Variants in TNR observed in about 807,000 individuals in gnomAD.
The protein encoded by TNR is tenascin-R.
TNR carries 45 observed loss-of-function variants against 150.4 expected under a neutral mutation model. The ratio of observed to expected loss-of-function variants is 0.30; its 90% CI spans 0.24 to 0.38. The LOEUF (loss-of-function observed/expected upper bound fraction) is 0.38. Ranked by LOEUF, TNR falls within the 10% of genes least tolerant of loss-of-function variation. The pLI, the probability that TNR is intolerant of heterozygous loss-of-function variation, is 1.00. For missense variants in TNR, 1,544 were observed against 1,759.1 expected, an observed-to-expected ratio of 0.88 and a Z score of 2.19; for synonymous variants, 687 against 678.4, an observed-to-expected ratio of 1.01 and a Z score of -0.20.
chr1:175,648,623 C>A (rs1461331181), intron 1 of TNR, among the ~76,000 whole-genome samples: 2 of 152,158 alleles, frequency 1.3e-5, no homozygotes, highest in Non-Finnish European at 2.9e-5. Context: ...CTCTCACTTG[C>A]CTGTTCGGCT....
At chr1:175,564,740 GC>G (rs1435454525) in intron 1 of TNR, among the ~76,000 whole-genome samples, 1 of 152,128 alleles carries the variant, frequency 6.6e-6, no homozygotes, top group Non-Finnish European at 1.5e-5. Flanking sequence ...TGATTTCTGA[GC>G]CCTTCTGCAT....
chr1:175,494,213 G>T (rs1361670666), intron 2 of TNR, among the ~76,000 whole-genome samples: 1 of 152,126 alleles, frequency 6.6e-6, no homozygotes, highest in Non-Finnish European at 1.5e-5. Flanking sequence ...TGTTTGGGCT[G>T]CAGTTCTATG....
intron 1 of TNR, among the ~76,000 whole-genome samples, chr1:175,589,535 G>A (rs1328242072): frequency 6.6e-6 from 1 of 152,014 alleles, no homozygotes; most frequent in East Asian, 1.9e-4. Context: ...AAAAATTAAT[G>A]CAAAAAGTAT....
In TNR at chr1:175,371,962, A is replaced by G. The variant is rs112790114; in HGVS notation, c.1964-4665T>C. 4.6e-3 allele frequency among the ~76,000 whole-genome samples: 692 copies of G among 151,942 alleles called. 11 individuals are homozygous for G. The highest frequency in any genetic ancestry group is 0.016 in the African/African-American group (657 of 41,506). On this transcript the variant is annotated intron_variant, in intron 9 of 22. Coordinates refer to ENST00000367674, the MANE Select transcript of TNR (RefSeq NM_003285.3). ...ATCTCATATTGAATTGCCATCCCCA[A>G]TGTTGGTGGTGGGGCCCAGTGGGAG...
chr1:175,512,491 C>G (rs979117084), intron 2 of TNR, among the ~76,000 whole-genome samples: 2 of 152,172 alleles, frequency 1.3e-5, no homozygotes, highest in African/African-American at 4.8e-5. Context: ...CTAGAATTAT[C>G]CTCCCTCCAA....
chr1:175,508,697 A>T (rs910860805), intron 2 of TNR, among the ~76,000 whole-genome samples: 5 of 152,128 alleles, frequency 3.3e-5, no homozygotes, highest in African/African-American at 1.2e-4. Flanking sequence ...CCTTGAGATG[A>T]CTGCATCCCC....
At chr1:175,421,262 AT>A (rs1173739306) in intron 2 of TNR, among the ~76,000 whole-genome samples, 1 of 152,206 alleles carries the variant, frequency 6.6e-6, no homozygotes. Context: ...ACCAGGCCCC[AT>A]GAGGCTCTCA....
At chr1:175,626,589 G>A (rs1212315283) in intron 1 of TNR, among the ~76,000 whole-genome samples, 2 of 152,164 alleles carry the variant, frequency 1.3e-5, no homozygotes, top group Admixed American at 1.3e-4. Flanking sequence ...TAGTAATTGA[G>A]AAGAAAGCAA....
Position 175,682,537 on chromosome 1 carries a change from C to T in TNR, c.-165+60689G>A, listed in dbSNP as rs528400608. On this transcript the variant is annotated intron_variant, in intron 1 of 22. Coordinates refer to ENST00000367674, the MANE Select transcript of TNR (RefSeq NM_003285.3). ...ATATTCAGTCCACTGGAAGTCCTGA[C>T]TCCCACCATCTTCTGCCCTTGTGGG... 2.0e-5 allele frequency among the ~76,000 whole-genome samples: 3 copies of T among 152,312 alleles called. No homozygotes were observed. In the East Asian group the frequency reaches 5.8e-4, roughly 29 times the overall value.
Position 175,365,184 on chromosome 1 carries a change from T to A in TNR, c.2413A>T (p.Ile805Phe), listed in dbSNP as rs1210825873. 1 of 1,614,078 alleles carries A rather than the reference T, an allele frequency of 6.2e-7. No individual in the cohort carries two copies. Among genetic ancestry groups the A allele is most frequent in the Admixed American group, 1.7e-5 (1 of 60,026 alleles). Residue 805 changes from isoleucine (I) to phenylalanine (F), a missense_variant, in exon 12 of 23, where the codon ATT (isoleucine) becomes TTT (phenylalanine). By Grantham distance (21) the Ile-to-Phe change is conservative (BLOSUM62 0). Around this residue, in one of 2 missense-constraint regions of TNR, gnomAD observed 1,254 missense variants for 1,329.4 expected, o/e 0.94. Transcript: ENST00000367674. ...SDPSPPADRLILNYSPRDEEE... is the reference protein window; with the variant it reads ...SDPSPPADRLFLNYSPRDEEE... ...TCATCCCTGGGGCTGTAGTTAAGAA[T>A]GAGTCTGTCTGCTGGGGGAGATGGA...
At chr1:175,367,400 G>C in intron 9 of TNR, 103 bp from the exon 10 acceptor site, 1 of 881,550 alleles carries the variant, frequency 1.1e-6, no homozygotes, top group Non-Finnish European at 1.8e-6. Flanking sequence ...CATATCTTGT[G>C]TTTAGTCCTC....
intron 1 of TNR, among the ~76,000 whole-genome samples, chr1:175,568,661 T>C (rs1211302574): frequency 6.6e-6 from 1 of 152,208 alleles, no homozygotes; most frequent in Non-Finnish European, 1.5e-5. Flanking sequence ...GATCAATTGC[T>C]GGAGCCCTGC....
intron 12 of TNR, among the ~76,000 whole-genome samples, chr1:175,364,517 G>A (rs992819870): frequency 4.6e-5 from 7 of 152,162 alleles, no homozygotes; most frequent in African/African-American, 1.7e-4. Context: ...TCATCTCTGA[G>A]TGCCTGTGTT....
At chr1:175,561,192 G>A (rs981782551) in intron 1 of TNR, among the ~76,000 whole-genome samples, 1 of 152,126 alleles carries the variant, frequency 6.6e-6, no homozygotes, top group African/African-American at 2.4e-5. Context: ...TTGGTTATGT[G>A]TTTCTCTTTC....
At chr1:175,510,515 C>T (rs1237434174) in intron 2 of TNR, among the ~76,000 whole-genome samples, 1 of 152,178 alleles carries the variant, frequency 6.6e-6, no homozygotes, top group Admixed American at 6.5e-5. Flanking sequence ...TGTTTCCTAT[C>T]CCTCTTCCAG....
chr1:175,552,059 GT>G (rs1660963727), intron 1 of TNR, among the ~76,000 whole-genome samples: 1 of 152,166 alleles, frequency 6.6e-6, no homozygotes, highest in Non-Finnish European at 1.5e-5. Flanking sequence ...GCTAAAAGTT[GT>G]TGCCCCTGAG....
intron 2 of TNR, among the ~76,000 whole-genome samples, chr1:175,505,320 C>T (rs1425136047): frequency 2.0e-5 from 3 of 152,242 alleles, no homozygotes; most frequent in African/African-American, 7.2e-5. Context: ...CCCGGCGAGG[C>T]AGGAGCGGGA....
At chr1:175,471,724 C>T (rs959733024) in intron 2 of TNR, among the ~76,000 whole-genome samples, 11 of 152,134 alleles carry the variant, frequency 7.2e-5, no homozygotes, top group African/African-American at 2.7e-4. Context: ...GCTTTATCAA[C>T]ACTGAATACT....
chr1:175,559,218 TTAGA>T (rs1265241457), intron 1 of TNR, among the ~76,000 whole-genome samples: 5 of 152,222 alleles, frequency 3.3e-5, no homozygotes, highest in Non-Finnish European at 7.3e-5. Flanking sequence ...TGCTTTGAAA[TTAGA>T]TAGAGTTGGT....
Sources: gnomAD v4.1 joint callset for allele counts (sites outside exome capture counted in the v4.1 genomes callset) on GRCh38, gnomAD v4.1.1 for gene constraint, gnomAD v4.1.1 regional missense constraint, MANE v1.5 for transcripts, NCBI Gene and HGNC (gene_info 2026-07-23, HGNC 2026-07-21) for gene names.